The following LRRK2 variants were observed in gnomAD, a reference collection of about 807,000 sequenced individuals.
LRRK2 encodes leucine rich repeat kinase 2, also known as leucine-rich repeat serine/threonine-protein kinase 2.
LRRK2 carries 203 observed loss-of-function variants against 302.6 expected under a neutral mutation model. That is an observed-to-expected ratio of 0.67 (90% CI 0.60 to 0.75). The LOEUF is 0.75. Among genes scored for constraint, LRRK2 ranks in the 30% least tolerant of loss-of-function variants. The pLI is 0.00. For synonymous variants in LRRK2, 1,066 were observed against 1,031.9 expected (o/e 1.03, Z -0.63); for missense variants, 2,830 against 2,951.0 (o/e 0.96, Z 0.95).
chr12:40,323,152 C>T lies in LRRK2; in HGVS notation c.5510-8C>T. 1 of 1,610,600 alleles carries T rather than the reference C, an allele frequency of 6.2e-7. No homozygotes were observed. Among genetic ancestry groups the T allele is most frequent in the Non-Finnish European group, 8.5e-7 (1 of 1,177,248 alleles). On this transcript the variant is annotated splice_polypyrimidine_tract_variant and splice_region_variant and intron_variant, in intron 37 of 50. Coordinates refer to ENST00000298910, the MANE Select transcript of LRRK2 (RefSeq NM_198578.4). ...TTTTTATTTAAAAAATGTTTTATTA[C>T]TTCTCAGGAGATCTCTTAGTAAATC...
intron 42 of LRRK2, among the ~76,000 whole-genome samples, chr12:40,348,173 A>G: frequency 6.7e-6 from 1 of 149,336 alleles, no homozygotes; most frequent in East Asian, 2.0e-4. Flanking sequence ...TTATTTTATT[A>G]AATCGTTATT....
intron 33 of LRRK2, among the ~76,000 whole-genome samples, chr12:40,317,556 G>A (rs1035199516): frequency 3.3e-5 from 5 of 152,018 alleles, no homozygotes; most frequent in Admixed American, 3.3e-4. Flanking sequence ...TACCATTAAG[G>A]CAGGGAGAAG....
chr12:40,273,010 ATCATTACTCTCTC>A (rs1182999865), intron 14 of LRRK2, among the ~76,000 whole-genome samples: 1 of 152,134 alleles, frequency 6.6e-6, no homozygotes, highest in African/African-American at 2.4e-5. Flanking sequence ...CTGACCTGTG[ATCATTACTCTCTC>A]AAGGTTTATT....
chr12:40,323,354 T>C, intron 38 of LRRK2, 48 bp downstream of exon 38: 2 of 1,468,334 alleles, frequency 1.4e-6, no homozygotes, highest in Non-Finnish European at 1.9e-6. Context: ...TGTAATTTTC[T>C]CCTTATAATT....
At chr12:40,240,731 C>G in intron 6 of LRRK2, 114 bp downstream of exon 6, 1 of 1,031,526 alleles carries the variant, frequency 9.7e-7, no homozygotes, top group South Asian at 1.4e-5. Flanking sequence ...GATGCTCAAC[C>G]CATTCATTCA....
At position 40,232,403 on chromosome 12, in the gene LRRK2, A is replaced by G. The variant is rs1423619462; in HGVS notation, c.347+20A>G. Reference sequence around the variant, plus strand: ...TCACCAGTAAGTATGATAGATATGTAAAACAAATGGCCTTGAGTATTTATT... The same window carrying G: ...TCACCAGTAAGTATGATAGATATGTGAAACAAATGGCCTTGAGTATTTATT... On this transcript the variant is annotated intron_variant, in intron 3 of 50. Transcript: ENST00000298910. 2 of 1,558,210 alleles carry G rather than the reference A, an allele frequency of 1.3e-6. No homozygotes were observed. The highest frequency in any genetic ancestry group is 8.9e-7 in the Non-Finnish European group (1 of 1,129,060).
At chr12:40,299,991 G>T (rs1209288104) in intron 25 of LRRK2, among the ~76,000 whole-genome samples, 3 of 152,114 alleles carry the variant, frequency 2.0e-5, no homozygotes, top group Non-Finnish European at 4.4e-5. Context: ...GGCCTACTGT[G>T]TAGTACCCTG....
chr12:40,320,984 G>C (rs2136884503), intron 34 of LRRK2, 50 bp from the exon 35 acceptor site: 1 of 1,599,754 alleles, frequency 6.3e-7, no homozygotes, highest in East Asian at 2.2e-5. Flanking sequence ...TGCTCAACAA[G>C]GTTGGGTGTT....
At chr12:40,228,832 C>T (rs986907785) in intron 2 of LRRK2, among the ~76,000 whole-genome samples, 3 of 152,222 alleles carry the variant, frequency 2.0e-5, no homozygotes, top group African/African-American at 7.2e-5. Flanking sequence ...ATTTGATTCT[C>T]ACTGAAATCT....
intron 33 of LRRK2, chr12:40,316,369 C>A (rs1240895212): frequency 1.0e-6 from 1 of 982,250 alleles, no homozygotes; most frequent in African/African-American, 1.8e-5. Flanking sequence ...TTGCAATCAG[C>A]AATTATTTGC....
chr12:40,323,014 A>G, intron 37 of LRRK2, 146 bp from the exon 38 acceptor site: 1 of 705,410 alleles, frequency 1.4e-6, no homozygotes, highest in Admixed American at 2.8e-5. Flanking sequence ...ATGTTCTCAA[A>G]TTTCCTAGAG....
Position 40,306,008 on chromosome 12 carries a change from C to G in LRRK2, c.3959+42C>G, listed in dbSNP as rs1565735058. The G allele has an allele frequency of 4.1e-6, 6 of 1,456,024 alleles. No homozygotes were observed. The Admixed American group carries it at 8.9e-5, about 22-fold the overall frequency. 90.2% of individuals were successfully genotyped at this position (1,456,024 alleles called of 1,614,324 possible). A position where few individuals can be genotyped will look rare whatever the true frequency, so the allele number is the denominator to read the frequency against. The stretch of plus-strand genomic sequence containing the variant: ...CTATTTGGTTTTACTAAATTTATTT[C>G]AGATTTTCTACTCTCTGTGACTTTG... On this transcript the variant is annotated intron_variant, in intron 28 of 50. Coordinates refer to ENST00000298910, the MANE Select transcript of LRRK2 (RefSeq NM_198578.4).
intron 2 of LRRK2, among the ~76,000 whole-genome samples, chr12:40,226,689 C>T (rs867558739): frequency 1.3e-5 from 2 of 152,162 alleles, no homozygotes; most frequent in African/African-American, 4.8e-5. Flanking sequence ...TAGATTTTCA[C>T]GCTGCTATCA....
In LRRK2 at chr12:40,323,149, T is replaced by G; in HGVS notation, c.5510-11T>G. 1 of 1,610,054 alleles carries G rather than the reference T, an allele frequency of 6.2e-7. No individual in the cohort carries two copies. The highest frequency in any genetic ancestry group is 8.5e-7 in the Non-Finnish European group (1 of 1,176,818). ...TTGTTTTTATTTAAAAAATGTTTTA[T>G]TACTTCTCAGGAGATCTCTTAGTAA... On this transcript the variant is annotated splice_polypyrimidine_tract_variant and intron_variant, in intron 37 of 50. Coordinates refer to ENST00000298910, the MANE Select transcript of LRRK2 (RefSeq NM_198578.4).
chr12:40,310,724 G>C (rs953037227), intron 31 of LRRK2, 75 bp downstream of exon 31: 161 of 1,433,932 alleles, frequency 1.1e-4, no homozygotes, highest in Non-Finnish European at 1.6e-4. Flanking sequence ...ATTTTGAGAA[G>C]TGAGCAACTC....
chr12:40,335,304 A>G (rs1242865282), intron 40 of LRRK2, 147 bp downstream of exon 40: 2 of 943,652 alleles, frequency 2.1e-6, no homozygotes, highest in Non-Finnish European at 3.3e-6. Context: ...CCCTGATCAA[A>G]TTTTGTAATT....
Position 40,367,660 on chromosome 12 carries a change from G to T in LRRK2, c.7479G>T (p.Leu2493Phe), listed in dbSNP as rs950238518. Residue 2493 changes from leucine to phenylalanine, a missense_variant, in exon 51 of 51, where the codon TTG becomes TTT. Around this residue, in one of 3 missense-constraint regions of LRRK2, gnomAD observed 456 missense variants for 456.3 expected, o/e 1.00. Coordinates refer to ENST00000298910, the MANE Select transcript of LRRK2 (RefSeq NM_198578.4). ...TTTTTCTAGAGATACAATCTTGCTT[G>T]ACCGTTTGGGACATCAATCTTCCAC... ...TQKQKEIQSCLTVWDINLPHE... is the reference protein window; with the variant it reads ...TQKQKEIQSCFTVWDINLPHE... 1 of 1,602,724 alleles carries T rather than the reference G, an allele frequency of 6.2e-7. No homozygotes were observed. Among genetic ancestry groups the T allele is most frequent in the South Asian group, 1.1e-5 (1 of 89,514 alleles).
In LRRK2 at chr12:40,354,843, A is replaced by AATAT. The variant is rs767600189; in HGVS notation, c.6770+368_6770+371dup. ...TTCATTCATTCTTTGAAAAAAAAAAAATATATATATATATATATATGAAAC... is the reference window on the plus strand; with the variant it reads ...TTCATTCATTCTTTGAAAAAAAAAAAATATATATATATATATATATATATGAAAC... On this transcript the variant is annotated intron_variant, in intron 45 of 50. Coordinates refer to ENST00000298910, the MANE Select transcript of LRRK2 (RefSeq NM_198578.4). Among the ~76,000 whole-genome samples the AATAT allele has an allele frequency of 7.0e-3, 174 of 24,968 alleles. 2 individuals are homozygous for AATAT. In the South Asian group the frequency reaches 0.094, roughly 13 times the overall value. The allele number at this position is 24,968 out of a possible 152,430, so 16.4% of individuals were successfully genotyped here.
At chr12:40,225,475 C>T (rs1940821870) in intron 1 of LRRK2, 80 bp from the exon 2 acceptor site, 2 of 1,371,056 alleles carry the variant, frequency 1.5e-6, no homozygotes, top group Admixed American at 3.4e-5. Flanking sequence ...TTTGACTTTT[C>T]TCCCCGTTTC....
Sources: allele counts gnomAD v4.1 joint callset (sites outside exome capture counted in the v4.1 genomes callset), GRCh38; gene constraint gnomAD v4.1.1; regional missense constraint gnomAD v4.1.1; transcripts MANE v1.5; gene names NCBI Gene and HGNC (gene_info 2026-07-23, HGNC 2026-07-21).